CNTN5: variants seen among roughly 807,000 people sequenced by gnomAD.
CNTN5 encodes contactin-5.
CNTN5 carries 77 observed loss-of-function variants against 129.1 expected under a neutral mutation model. That is an observed-to-expected ratio of 0.60 (90% CI 0.50 to 0.72). The LOEUF is 0.72. Ranked by LOEUF, CNTN5 falls within the 30% of genes least tolerant of loss-of-function variation. The pLI, the probability that CNTN5 is intolerant of heterozygous loss-of-function variation, is 0.00. For synonymous variants in CNTN5, 509 were observed against 465.6 expected (o/e 1.09, Z -1.20); for missense variants, 1,478 against 1,328.8 (o/e 1.11, Z -1.75).
At chr11:100,244,021 C>T (rs1408575520) in intron 16 of CNTN5, among the ~76,000 whole-genome samples, 3 of 152,110 alleles carry the variant, frequency 2.0e-5, no homozygotes, top group East Asian at 3.9e-4. Flanking sequence ...TCATTATTTA[C>T]TTTTCCTTTA....
At chr11:99,048,782 A>T (rs1864313277) in intron 1 of CNTN5, among the ~76,000 whole-genome samples, 1 of 152,174 alleles carries the variant, frequency 6.6e-6, no homozygotes, top group Non-Finnish European at 1.5e-5. Context: ...AGTGAAATGA[A>T]TACTGCCATT....
intron 10 of CNTN5, among the ~76,000 whole-genome samples, chr11:100,067,894 CAT>C (rs1442183506): frequency 6.6e-6 from 1 of 151,826 alleles, no homozygotes; most frequent in African/African-American, 2.4e-5. Context: ...TGTCATTAAT[CAT>C]ATGTTTGATT....
intron 9 of CNTN5, among the ~76,000 whole-genome samples, chr11:100,036,452 C>G (rs1472197545): frequency 6.6e-6 from 1 of 151,048 alleles, no homozygotes; most frequent in Non-Finnish European, 1.5e-5. Context: ...GCGATGCGGG[C>G]TCTTTTTTGG....
rs753062197 is a variant in CNTN5, at chr11:100,299,326, A to G, written c.2550A>G (p.Lys850=). ...CTCCTCTTACTCCCTTTGAAGTGAA[A>G]GTTGGCGTTTATAACAATAAAGGAG... ...SVPPLTPFEV[K]VGVYNNKGDG... The change falls in exon 20 of 25, where the codon AAA becomes AAG. Residue 850 remains lysine, a synonymous_variant. Transcript: ENST00000524871. The G allele has an allele frequency of 6.2e-7, 1 of 1,610,644 alleles. No individual in the cohort carries two copies. Among genetic ancestry groups the G allele is most frequent in the Non-Finnish European group, 8.5e-7 (1 of 1,177,696 alleles).
At chr11:99,729,033 G>C (rs1943442556) in intron 3 of CNTN5, among the ~76,000 whole-genome samples, 1 of 152,114 alleles carries the variant, frequency 6.6e-6, no homozygotes, top group Admixed American at 6.5e-5. Flanking sequence ...CATGTCCTCT[G>C]GGGTGCTAAG....
chr11:99,999,708 G>A (rs1267574253), intron 8 of CNTN5, among the ~76,000 whole-genome samples: 4 of 152,140 alleles, frequency 2.6e-5, no homozygotes, highest in South Asian at 4.2e-4. Context: ...ACATGCACAC[G>A]TATGTTTATT....
intron 1 of CNTN5, among the ~76,000 whole-genome samples, chr11:99,261,203 C>T (rs1862612571): frequency 6.6e-6 from 1 of 150,804 alleles, no homozygotes; most frequent in East Asian, 2.0e-4. Context: ...ACCATAAGTC[C>T]CATGAATATT....
intron 3 of CNTN5, among the ~76,000 whole-genome samples, chr11:99,628,900 A>G (rs1184601294): frequency 1.3e-5 from 2 of 152,108 alleles, no homozygotes; most frequent in Non-Finnish European, 2.9e-5. Context: ...TCATTTATAA[A>G]TAATTTGCTG....
rs866817523 is a variant in CNTN5 at position 99,645,315 on chromosome 11, A to G, written c.55+89046A>G. ...TTGAGAAAAAGCCTATGAATTTCTG[A>G]GACTTAAACTACTCTGAGGATGTAT... On this transcript the variant is annotated intron_variant, in intron 3 of 24. Coordinates refer to ENST00000524871, the MANE Select transcript of CNTN5 (RefSeq NM_014361.4). Among the ~76,000 whole-genome samples the G allele has an allele frequency of 2.0e-4, 30 of 148,108 alleles. 1 individual carries two copies. In the Middle Eastern group the frequency reaches 0.021, roughly 104 times the overall value.
intron 4 of CNTN5, among the ~76,000 whole-genome samples, chr11:99,842,313 A>G (rs191465861): frequency 1.3e-5 from 2 of 152,352 alleles, no homozygotes; most frequent in Admixed American, 6.5e-5. Flanking sequence ...CATGAGAAGT[A>G]TTCAGCATAA....
At chr11:99,814,620 A>G (rs1297580584) in intron 3 of CNTN5, among the ~76,000 whole-genome samples, 1 of 152,112 alleles carries the variant, frequency 6.6e-6, no homozygotes, top group African/African-American at 2.4e-5. Flanking sequence ...CTGAAGGTGC[A>G]TTGAAGGAAT....
rs569736974 is a variant in CNTN5, at chr11:99,319,622, A to G, written c.-209-5724A>G. ...GTGTATATCACATAATGGAGACTCA[A>G]TAAAAATTATATACATTATTGACAT... On this transcript the variant is annotated intron_variant, in intron 1 of 24. Coordinates refer to ENST00000524871, the MANE Select transcript of CNTN5 (RefSeq NM_014361.4). Among the ~76,000 whole-genome samples the G allele has an allele frequency of 6.6e-5, 10 of 152,320 alleles. No individual in the cohort carries two copies. In the South Asian group the frequency reaches 2.1e-3, roughly 32 times the overall value.
chr11:99,267,036 T>A (rs1451395585), intron 1 of CNTN5, among the ~76,000 whole-genome samples: 1 of 150,840 alleles, frequency 6.6e-6, no homozygotes, highest in Non-Finnish European at 1.5e-5. Context: ...GAGAAGGCTT[T>A]AAAAAAAAAG....
chr11:99,326,754 A>C (rs376638849), intron 2 of CNTN5, among the ~76,000 whole-genome samples: 3 of 152,306 alleles, frequency 2.0e-5, no homozygotes, highest in African/African-American at 7.2e-5. Context: ...ATTTAAAGAC[A>C]AAGTATAAAG....
intron 2 of CNTN5, among the ~76,000 whole-genome samples, chr11:99,368,888 G>A (rs147568117): frequency 4.9e-4 from 75 of 152,194 alleles, no homozygotes; most frequent in African/African-American, 1.7e-3. Context: ...TTTCTAAGCA[G>A]TAGGGTGAGT....
chr11:99,675,559 C>CCT, intron 3 of CNTN5, among the ~76,000 whole-genome samples: 1 of 152,152 alleles, frequency 6.6e-6, no homozygotes, highest in East Asian at 1.9e-4. Flanking sequence ...GTGGTGGGCA[C>CCT]CTGTAATCCC....
At chr11:99,047,591 G>A (rs373520683) in intron 1 of CNTN5, among the ~76,000 whole-genome samples, 1 of 151,962 alleles carries the variant, frequency 6.6e-6, no homozygotes, top group Non-Finnish European at 1.5e-5. Context: ...CAATTAATCT[G>A]GTAAAAGTTC....
chr11:99,922,544 T>C (rs1949965571), intron 7 of CNTN5, among the ~76,000 whole-genome samples: 1 of 152,202 alleles, frequency 6.6e-6, no homozygotes, highest in South Asian at 2.1e-4. Context: ...CAAGTTTCTG[T>C]TTCATCCAAA....
intron 7 of CNTN5, among the ~76,000 whole-genome samples, chr11:99,925,380 A>T (rs1356573138): frequency 6.6e-6 from 1 of 152,256 alleles, no homozygotes; most frequent in African/African-American, 2.4e-5. Context: ...TGAGCTATAT[A>T]GCGAAGCTTA....
Sources: allele counts gnomAD v4.1 joint callset (sites outside exome capture counted in the v4.1 genomes callset), GRCh38; gene constraint gnomAD v4.1.1; transcripts MANE v1.5; gene names NCBI Gene and HGNC (gene_info 2026-07-23, HGNC 2026-07-21).